WDFY4: variants seen among roughly 807,000 people sequenced by gnomAD.
The protein encoded by WDFY4 is WD repeat- and FYVE domain-containing protein 4.
Under a neutral mutation model 351.9 loss-of-function variants are expected in WDFY4, and 169 were observed. That is an observed-to-expected ratio of 0.48 (90% CI 0.42 to 0.55). The LOEUF is 0.55. Ranked by LOEUF, WDFY4 falls within the 20% of genes least tolerant of loss-of-function variation. The pLI is 0.00. For synonymous variants in WDFY4, 1,622 were observed against 1,574.6 expected, an observed-to-expected ratio of 1.03 and a Z score of -0.71; for missense variants, 3,803 against 3,935.6, an observed-to-expected ratio of 0.97 and a Z score of 0.90.
chr10:48,896,387 G>A (rs976315584), intron 44 of WDFY4, among the ~76,000 whole-genome samples: 2 of 152,216 alleles, frequency 1.3e-5, no homozygotes, highest in African/African-American at 2.4e-5. Flanking sequence ...GAGATGTTTA[G>A]GGGCAGCTCA....
At chr10:48,911,579 G>A (rs1838008039) in intron 47 of WDFY4, among the ~76,000 whole-genome samples, 2 of 152,184 alleles carry the variant, frequency 1.3e-5, no homozygotes, top group Non-Finnish European at 1.5e-5. Context: ...TCTTGCAGAT[G>A]TTTTAAAGTG....
intron 1 of WDFY4, among the ~76,000 whole-genome samples, chr10:48,704,033 G>A (rs1214756758): frequency 1.3e-5 from 2 of 152,074 alleles, no homozygotes; most frequent in Admixed American, 6.5e-5. Context: ...CCTGCACATG[G>A]CACAGAGGAA....
intron 52 of WDFY4, among the ~76,000 whole-genome samples, chr10:48,959,321 G>A (rs531571882): frequency 1.3e-5 from 2 of 152,328 alleles, no homozygotes; most frequent in East Asian, 3.9e-4. Flanking sequence ...CTAGCTCCTG[G>A]CGTGGAGTGA....
At chr10:48,800,018 T>C (rs2067009469) in intron 24 of WDFY4, among the ~76,000 whole-genome samples, 2 of 152,124 alleles carry the variant, frequency 1.3e-5, no homozygotes, top group Non-Finnish European at 2.9e-5. Context: ...CTCGAGTAGC[T>C]GGGACTATAG....
intron 13 of WDFY4, among the ~76,000 whole-genome samples, chr10:48,771,643 A>G (rs2065869411): frequency 6.6e-6 from 1 of 152,202 alleles, no homozygotes. Context: ...GGCTGCAGGG[A>G]CCACCCCATC....
Position 48,731,172 on chromosome 10 carries a change from G to A in WDFY4, c.1192G>A (p.Asp398Asn), listed in dbSNP as rs1183184677. ...ACAGAATGTTTTCCACAAAGCCAGT[G>A]ACTCTGTCCTCTGCATACAAGTCTT... ...VLQNVFHKAS[D>N]SVLCIQVLSV... The change falls in exon 9 of 62, where the codon GAC becomes AAC. Residue 398 changes from aspartate to asparagine, a missense_variant. Asp to Asn is a conservative substitution (Grantham distance 23, BLOSUM62 1). This residue lies in a region of WDFY4 where 261 missense variants were observed against 330.2 expected (regional missense o/e 0.79). Transcript: ENST00000325239. The A allele has an allele frequency of 1.3e-6, 2 of 1,551,558 alleles. No homozygotes were observed. Among genetic ancestry groups the A allele is most frequent in the African/African-American group, 2.7e-5 (2 of 73,048 alleles).
intron 46 of WDFY4, 41 bp downstream of exon 46, chr10:48,900,347 GA>G: frequency 6.6e-7 from 1 of 1,514,010 alleles, no homozygotes; most frequent in South Asian, 1.2e-5. Context: ...AACTGATCCT[GA>G]ACTGAGAGCA....
At chr10:48,918,957 A>G (rs1838801625) in intron 47 of WDFY4, among the ~76,000 whole-genome samples, 2 of 152,306 alleles carry the variant, frequency 1.3e-5, no homozygotes, top group Non-Finnish European at 2.9e-5. Context: ...ATAACTCACT[A>G]TTACCACTGA....
chr10:48,779,111 C>T (rs2066134818), intron 18 of WDFY4, among the ~76,000 whole-genome samples: 1 of 152,252 alleles, frequency 6.6e-6, no homozygotes, highest in Non-Finnish European at 1.5e-5. Flanking sequence ...AGAAACTTCG[C>T]CCTGGCAGAA....
At chr10:48,720,418 TAC>T (rs1436764005) in intron 3 of WDFY4, among the ~76,000 whole-genome samples, 1 of 151,452 alleles carries the variant, frequency 6.6e-6, no homozygotes, top group Non-Finnish European at 1.5e-5. Flanking sequence ...ACAGATGCTA[TAC>T]ACACACAGAC....
At chr10:48,807,979 C>G in intron 28 of WDFY4, 21 bp downstream of exon 28, 1 of 1,511,562 alleles carries the variant, frequency 6.6e-7, no homozygotes, top group Non-Finnish European at 8.9e-7. Context: ...CCAGGAAGAG[C>G]AATTTGGCAG....
At chr10:48,801,295 C>T (rs1356260836) in intron 24 of WDFY4, among the ~76,000 whole-genome samples, 4 of 152,150 alleles carry the variant, frequency 2.6e-5, no homozygotes, top group Non-Finnish European at 4.4e-5. Flanking sequence ...GGTGTGGCAA[C>T]TTATTATTGT....
At chr10:48,824,047 A>G in intron 35 of WDFY4, 2 of 985,468 alleles carry the variant, frequency 2.0e-6, no homozygotes, top group Non-Finnish European at 2.4e-6. Context: ...GATTCTTTTC[A>G]TGGAAGCCAA....
chr10:48,822,882 A>C (rs1196182040), intron 35 of WDFY4, among the ~76,000 whole-genome samples: 1 of 152,208 alleles, frequency 6.6e-6, no homozygotes, highest in South Asian at 2.1e-4. Flanking sequence ...CTCAGCTAAG[A>C]AAGGACCACA....
intron 39 of WDFY4, among the ~76,000 whole-genome samples, chr10:48,855,544 T>C (rs1364943720): frequency 6.6e-6 from 1 of 152,170 alleles, no homozygotes; most frequent in Non-Finnish European, 1.5e-5. Flanking sequence ...CCTGTTCACT[T>C]TCTTAAAAAT....
intron 32 of WDFY4, among the ~76,000 whole-genome samples, chr10:48,818,448 C>G (rs1166245657): frequency 6.6e-6 from 1 of 152,194 alleles, no homozygotes; most frequent in Non-Finnish European, 1.5e-5. Context: ...GAATTGCCAC[C>G]TGATGAAGGT....
intron 51 of WDFY4, among the ~76,000 whole-genome samples, chr10:48,947,508 T>A (rs192432704): frequency 1.3e-5 from 2 of 152,344 alleles, no homozygotes; most frequent in Non-Finnish European, 2.9e-5. Context: ...CTAGTTAAAC[T>A]TGAATTCCAG....
rs2063475837 is a variant in WDFY4, at chr10:48,701,370, A to T, written c.-17-8346A>T. On this transcript the variant is annotated intron_variant, in intron 1 of 61. Coordinates refer to ENST00000325239, the MANE Select transcript of WDFY4 (RefSeq NM_001394531.1). Reference sequence around the variant, plus strand: ...GCCATTGAGAATAATGCTATTAGGAACATGGGTGTACACGTGTCTGCTTGT... The same window carrying T: ...GCCATTGAGAATAATGCTATTAGGATCATGGGTGTACACGTGTCTGCTTGT... Among the ~76,000 whole-genome samples the T allele has an allele frequency of 2.0e-5, 3 of 152,348 alleles. No homozygotes were observed. The South Asian group carries it at 6.2e-4, about 32-fold the overall frequency.
In WDFY4 at chr10:48,788,630, C is replaced by T; in HGVS notation, c.3909C>T (p.Ile1303=). ...ASSSITSVAD[I]RNAYNEVDSR... ...CCTCTATCACCAGTGTAGCGGACAT[C>T]AGAAATGCTTACAATGAGGTGGACA... The change falls in exon 21 of 62, where the codon ATC becomes ATT. Residue 1303 remains isoleucine, a synonymous_variant. Coordinates refer to ENST00000325239, the MANE Select transcript of WDFY4 (RefSeq NM_001394531.1). 1 of 1,551,750 alleles carries T rather than the reference C, an allele frequency of 6.4e-7. No individual in the cohort carries two copies. Among genetic ancestry groups the T allele is most frequent in the African/African-American group, 1.4e-5 (1 of 73,162 alleles).
Sources: gnomAD v4.1 joint callset for allele counts (sites outside exome capture counted in the v4.1 genomes callset) on GRCh38, gnomAD v4.1.1 for gene constraint, gnomAD v4.1.1 regional missense constraint, MANE v1.5 for transcripts, NCBI Gene and HGNC (gene_info 2026-07-23, HGNC 2026-07-21) for gene names.